The following MTUS2 variants were observed in gnomAD, a reference collection of about 807,000 sequenced individuals.
The protein encoded by MTUS2 is microtubule associated scaffold protein 2.
A neutral mutation model predicts 114.1 loss-of-function variants in MTUS2; 40 were observed. The ratio of observed to expected loss-of-function variants is 0.35; its 90% CI spans 0.27 to 0.46. The LOEUF (loss-of-function observed/expected upper bound fraction) is 0.46. Ranked by LOEUF, MTUS2 falls within the 20% of genes least tolerant of loss-of-function variation. MTUS2 has a pLI of 1.00. For missense variants in MTUS2, 1,679 were observed against 1,705.4 expected (o/e 0.98, Z 0.27); for synonymous variants, 688 against 672.0 (o/e 1.02, Z -0.37).
chr13:28,945,409 T>C (rs1228273698), intron 2 of MTUS2, among the ~76,000 whole-genome samples: 1 of 152,200 alleles, frequency 6.6e-6, no homozygotes, highest in Non-Finnish European at 1.5e-5. Context: ...ATCTCCATAC[T>C]GTTTTCCACA....
intron 5 of MTUS2, among the ~76,000 whole-genome samples, chr13:29,129,471 C>T (rs1891662370): frequency 6.6e-6 from 1 of 152,114 alleles, no homozygotes. Context: ...ACCTTGTCTT[C>T]TTCATATCAT....
chr13:29,238,641 G>A (rs1292405174), intron 5 of MTUS2, among the ~76,000 whole-genome samples: 1 of 152,162 alleles, frequency 6.6e-6, no homozygotes. Context: ...TAGCTCTGCT[G>A]GCAGCCAAGG....
At chr13:29,226,824 T>G (rs1324718757) in intron 5 of MTUS2, among the ~76,000 whole-genome samples, 1 of 152,214 alleles carries the variant, frequency 6.6e-6, no homozygotes, top group African/African-American at 2.4e-5. Context: ...CTTTTAAAGC[T>G]TTACTTAAAA....
chr13:29,125,114 A>G (rs73445117), intron 5 of MTUS2, among the ~76,000 whole-genome samples: 2,966 of 152,344 alleles, frequency 0.019, 99 homozygotes, highest in African/African-American at 0.065. Context: ...GTTAGAAAAT[A>G]AATTTTAAAT....
chr13:28,954,936 C>G (rs372876449), intron 2 of MTUS2, among the ~76,000 whole-genome samples: 1 of 152,118 alleles, frequency 6.6e-6, no homozygotes, highest in Admixed American at 6.5e-5. Flanking sequence ...TTGACTGCCC[C>G]CAGACAGTTA....
intron 6 of MTUS2, among the ~76,000 whole-genome samples, chr13:29,291,905 G>A (rs191587527): frequency 3.0e-4 from 46 of 152,286 alleles, no homozygotes; most frequent in African/African-American, 1.0e-3. Context: ...TAACATCTAA[G>A]CCCTCCTTGC....
At chr13:29,242,271 ACTGT>A (rs1441826474) in intron 5 of MTUS2, among the ~76,000 whole-genome samples, 1 of 152,088 alleles carries the variant, frequency 6.6e-6, no homozygotes, top group African/African-American at 2.4e-5. Context: ...CTAGTAATCT[ACTGT>A]CTATCAATTT....
At chr13:28,833,132 C>T (rs1874821102) in intron 1 of MTUS2, among the ~76,000 whole-genome samples, 1 of 152,016 alleles carries the variant, frequency 6.6e-6, no homozygotes, top group African/African-American at 2.4e-5. Flanking sequence ...GTAAATTCTA[C>T]CAAATGTTTA....
chr13:29,450,439 C>T (rs548097865), intron 9 of MTUS2, among the ~76,000 whole-genome samples: 2 of 152,250 alleles, frequency 1.3e-5, no homozygotes, highest in African/African-American at 4.8e-5. Flanking sequence ...ATAGTGGGTG[C>T]TCAGTGTGTG....
intron 2 of MTUS2, among the ~76,000 whole-genome samples, chr13:28,883,240 G>T (rs1034659387): frequency 3.3e-5 from 5 of 152,164 alleles, no homozygotes; most frequent in African/African-American, 9.7e-5. Flanking sequence ...ATCCAGTTTG[G>T]CACTTTCCTG....
At chr13:28,907,303 G>A (rs1338730224) in intron 2 of MTUS2, among the ~76,000 whole-genome samples, 1 of 151,588 alleles carries the variant, frequency 6.6e-6, no homozygotes. Context: ...AAAACATGCA[G>A]AATTATAAAG....
At position 29,347,717 on chromosome 13, in the gene MTUS2, A is replaced by G. The variant is rs550694465; in HGVS notation, c.2906-11545A>G. On this transcript the variant is annotated intron_variant, in intron 7 of 15. Transcript: ENST00000612955. ...GTTAAGGGCTCAATCTCACAAGACT[A>G]CCCCTCACTTTAGGTGCCAACTACA... is the stretch of plus-strand genomic sequence containing the variant. 7.1e-4 allele frequency among the ~76,000 whole-genome samples: 107 copies of G among 151,760 alleles called. 1 individual carries two copies. Among genetic ancestry groups the G allele is most frequent in the Admixed American group, 1.3e-3 (20 of 15,238 alleles).
intron 1 of MTUS2, among the ~76,000 whole-genome samples, chr13:28,829,208 C>T (rs564577625): frequency 5.9e-5 from 9 of 152,182 alleles, no homozygotes; most frequent in South Asian, 2.1e-4. Context: ...TTCCTTCATC[C>T]GCAGCTCCAT....
intron 15 of MTUS2, 42 bp from the exon 16 acceptor site, chr13:29,502,951 C>T (rs2482096): frequency 0.77 from 1,221,804 of 1,594,518 alleles, 472,484 homozygotes; most frequent in East Asian, 0.93. Flanking sequence ...GTTCAGTGTC[C>T]ACTAGCATGA....
chr13:29,046,185 T>G (rs1887608813), intron 4 of MTUS2, among the ~76,000 whole-genome samples: 1 of 151,358 alleles, frequency 6.6e-6, no homozygotes, highest in Non-Finnish European at 1.5e-5. Context: ...TGATGTCAGC[T>G]CACTTCAGCC....
intron 5 of MTUS2, among the ~76,000 whole-genome samples, chr13:29,151,315 T>G (rs1270775291): frequency 6.6e-6 from 1 of 152,200 alleles, no homozygotes; most frequent in Non-Finnish European, 1.5e-5. Flanking sequence ...TAAGTGGGAT[T>G]GTATTATTGA....
chr13:29,184,590 C>A (rs1894143902), intron 5 of MTUS2, among the ~76,000 whole-genome samples: 1 of 152,130 alleles, frequency 6.6e-6, no homozygotes, highest in Admixed American at 6.6e-5. Flanking sequence ...ACACACAGAG[C>A]CACTTGGCAG....
intron 2 of MTUS2, among the ~76,000 whole-genome samples, chr13:29,023,333 C>G (rs1373046951): frequency 6.6e-6 from 1 of 152,126 alleles, no homozygotes; most frequent in South Asian, 2.1e-4. Flanking sequence ...AAAGCATTTC[C>G]CCCAAGTTTT....
chr13:28,917,125 G>T (rs1880788902), intron 2 of MTUS2, among the ~76,000 whole-genome samples: 1 of 151,876 alleles, frequency 6.6e-6, no homozygotes, highest in Non-Finnish European at 1.5e-5. Flanking sequence ...ACCTGGTCAT[G>T]ATGATGATCT....
Sources: gnomAD v4.1 joint callset for allele counts (sites outside exome capture counted in the v4.1 genomes callset) on GRCh38, gnomAD v4.1.1 for gene constraint, MANE v1.5 for transcripts, NCBI Gene and HGNC (gene_info 2026-07-23, HGNC 2026-07-21) for gene names.